ANKMY1: variants seen among roughly 807,000 people sequenced by gnomAD.
ANKMY1 encodes the protein ankyrin repeat and MYND domain containing 1.
In ANKMY1, 98 loss-of-function variants were observed where a neutral mutation model predicts 102.0. The observed-to-expected ratio is 0.96, with a 90% confidence interval of 0.82 to 1.14. The LOEUF (loss-of-function observed/expected upper bound fraction) is 1.14, where lower values mean the gene tolerates loss of function less well. Among genes scored for constraint, ANKMY1 ranks in the 50% most tolerant of loss-of-function variants. The pLI is 0.00. For missense variants in ANKMY1, 1,330 were observed against 1,347.6 expected (o/e 0.99, Z 0.20); for synonymous variants, 582 against 559.9 (o/e 1.04, Z -0.56).
At chr2:240,519,924 C>G (rs953595728) in intron 9 of ANKMY1, 2 of 277,302 alleles carry the variant, frequency 7.2e-6, no homozygotes, top group Non-Finnish European at 1.6e-5. Flanking sequence ...TTTTTCTCAG[C>G]TAAATATTTT....
intron 9 of ANKMY1, among the ~76,000 whole-genome samples, chr2:240,518,310 G>A (rs114285255): frequency 1.2e-3 from 184 of 152,218 alleles, no homozygotes; most frequent in Non-Finnish European, 2.1e-3. Context: ...TGGACAGTGA[G>A]ACCCTAGACC....
At chr2:240,523,669 G>C in intron 8 of ANKMY1, 1 of 754,464 alleles carries the variant, frequency 1.3e-6, no homozygotes, top group Non-Finnish European at 2.1e-6. Flanking sequence ...CACCCCCACA[G>C]GGCTGGGGTG....
In ANKMY1 at chr2:240,520,368, C is replaced by T. The variant is rs748841966; in HGVS notation, c.1998G>A (p.Pro666=). ...CGCCCGCCGCGGCTCCTACCTGCGGCGGAAAGCAGATGTCGGTCCTCGCCC... is the reference window on the plus strand; with the variant it reads ...CGCCCGCCGCGGCTCCTACCTGCGGTGGAAAGCAGATGTCGGTCCTCGCCC... ...EHGARTDICF[P]PQLSTLTPLH... is the part of the protein sequence containing the mutation. The change falls in exon 9 of 18, where the codon CCG becomes CCA. Residue 666 remains proline, a synonymous_variant. Transcript: ENST00000401804. This position sits in a 1 kb window ranked among gnomAD's most constrained non-coding sequence, Gnocchi z 4.8. 13 of 1,551,132 alleles carry T rather than the reference C, an allele frequency of 8.4e-6. 1 individual carries two copies. In the South Asian group the frequency reaches 1.3e-4, roughly 15 times the overall value.
chr2:240,525,687 G>A lies in ANKMY1; in HGVS notation c.1333C>T (p.Gln445Ter), dbSNP rs754476856. ...NVAERTIPEP[Q>*]EPPKFPVVPI... ...GCAGTGGCCACCGGGGGGCTTACCT[G>A]GGGCTCAGGTATGGTCCGTTCAGCA... The change falls in exon 7 of 18, where the codon CAG becomes TAG. Residue 445 changes from glutamine to a stop codon, truncating the protein, a stop_gained and splice_region_variant. Transcript: ENST00000401804. LOFTEE classifies it high-confidence loss of function. 10 of 1,613,794 alleles carry A rather than the reference G, an allele frequency of 6.2e-6. No individual in the cohort carries two copies. The highest frequency in any genetic ancestry group is 8.5e-6 in the Non-Finnish European group (10 of 1,179,828).
intron 4 of ANKMY1, among the ~76,000 whole-genome samples, chr2:240,534,637 C>A (rs1342588787): frequency 1.3e-5 from 2 of 152,232 alleles, no homozygotes; most frequent in East Asian, 3.9e-4. Flanking sequence ...TAGATTCAAC[C>A]TACAGGGAGA....
At chr2:240,545,296 G>A (rs1172984336) in intron 4 of ANKMY1, among the ~76,000 whole-genome samples, 1 of 152,162 alleles carries the variant, frequency 6.6e-6, no homozygotes, top group African/African-American at 2.4e-5. Flanking sequence ...TGCAGCTGAG[G>A]GTCCTGTCTG....
chr2:240,540,093 A>G (rs1184318325), intron 4 of ANKMY1, among the ~76,000 whole-genome samples: 1 of 152,244 alleles, frequency 6.6e-6, no homozygotes, highest in African/African-American at 2.4e-5. Context: ...AACTTAAAAC[A>G]TTCCTTTGTG....
rs534140158 is a variant in ANKMY1, at chr2:240,536,792, T to C, written c.481-7283A>G. Among the ~76,000 whole-genome samples, 375 of 152,338 alleles carry C rather than the reference T, an allele frequency of 2.5e-3. 1 individual carries two copies. Among genetic ancestry groups the C allele is most frequent in the Non-Finnish European group, 3.9e-3 (263 of 68,018 alleles). On this transcript the variant is annotated intron_variant, in intron 4 of 17. Transcript: ENST00000401804. ...AAAAAGACTATGCTTTTTCCCTGGA[T>C]TCTATAATATTTATTGAATGCAGCC...
chr2:240,519,692 G>A (rs2081817018), intron 9 of ANKMY1: 1 of 160,478 alleles, frequency 6.2e-6, no homozygotes, highest in African/African-American at 2.4e-5. Context: ...AAGGAGAGTT[G>A]TTTGAACGAG....
Position 240,557,222 on chromosome 2 carries a change from C to A in ANKMY1, c.114G>T (p.Gly38=). The change falls in exon 2 of 18, where the codon GGG becomes GGT. Residue 38 remains glycine (G), a synonymous_variant. Transcript: ENST00000401804. ...GGETPAAEEP[G]SLKNYAVFAT... is the part of the protein sequence containing the mutation. ...CGAAGACAGCGTAGTTCTTCAGGGA[C>A]CCCGGCTCCTCGGCAGCAGGGGTCT... The A allele has an allele frequency of 6.3e-7, 1 of 1,585,338 alleles. No individual in the cohort carries two copies. The highest frequency in any genetic ancestry group is 8.6e-7 in the Non-Finnish European group (1 of 1,164,732).
chr2:240,555,538 GA>G (rs1385141323), intron 2 of ANKMY1: 16 of 172,720 alleles, frequency 9.3e-5, no homozygotes, highest in African/African-American at 3.8e-4. Context: ...TACTAGGATG[GA>G]CAGGTGGATA....
chr2:240,523,796 T>A lies in ANKMY1; in HGVS notation c.1832+89A>T, dbSNP rs2082791205. ...CATCTCCAGACACAACGCCTCCCAC[T>A]GGCACAGGGAAGAGACGTGGGTCTG... On this transcript the variant is annotated intron_variant, in intron 8 of 17. Coordinates refer to ENST00000401804, the MANE Select transcript of ANKMY1 (RefSeq NM_001282771.3). 4.6e-6 allele frequency: 7 copies of A among 1,520,494 alleles called. No individual in the cohort carries two copies. The South Asian group carries it at 7.7e-5, about 17-fold the overall frequency. The allele number at this position is 1,520,494 out of a possible 1,614,324, so 94.2% of individuals were successfully genotyped here.
chr2:240,469,667 C>CT, the ANKMY1 span, among the ~76,000 whole-genome samples: 1 of 24,508 alleles, frequency 4.1e-5, no homozygotes, highest in Non-Finnish European at 9.4e-5. Context: ...ATGTGCACTC[C>CT]ACATTTACAC....
At position 240,495,111 on chromosome 2, in the gene ANKMY1, G is replaced by A. The variant is rs139365444; in HGVS notation, c.2806+4847C>T. ...CAAGTGTGAGCCTTCTGTTATGCCC[G>A]GACAGGGCCACCAGAGGGCTCCTTG... On this transcript the variant is annotated intron_variant, in intron 15 of 17. Transcript: ENST00000401804. Among the ~76,000 whole-genome samples, 677 of 148,034 alleles carry A rather than the reference G, an allele frequency of 4.6e-3. 5 individuals are homozygous for A. The highest frequency in any genetic ancestry group is 0.014 in the African/African-American group (551 of 40,804).
intron 15 of ANKMY1, among the ~76,000 whole-genome samples, chr2:240,498,754 A>C (rs1049354930): frequency 3.3e-5 from 5 of 152,056 alleles, no homozygotes; most frequent in Non-Finnish European, 7.4e-5. Context: ...TGGATCCCTC[A>C]TGAGTAGCTT....
In ANKMY1 at chr2:240,548,355, G is replaced by A. The variant is rs1460025463; in HGVS notation, c.480+4559C>T. 3.3e-5 allele frequency among the ~76,000 whole-genome samples: 5 copies of A among 152,266 alleles called. No individual in the cohort carries two copies. The South Asian group carries it at 8.3e-4, about 25-fold the overall frequency. ...CTCTCAATAAATTAGGTATTGATGG[G>A]ACGTATCTCAAAATAATAAGAGCTA... On this transcript the variant is annotated intron_variant, in intron 4 of 17. Coordinates refer to ENST00000401804, the MANE Select transcript of ANKMY1 (RefSeq NM_001282771.3).
At chr2:240,492,920 C>A (rs2076814622) in intron 15 of ANKMY1, among the ~76,000 whole-genome samples, 2 of 152,186 alleles carry the variant, frequency 1.3e-5, no homozygotes, top group Non-Finnish European at 2.9e-5. Context: ...GAACTCCTGA[C>A]CTCAAGTGAT....
At chr2:240,542,458 C>A (rs373597819) in intron 4 of ANKMY1, among the ~76,000 whole-genome samples, 16 of 151,472 alleles carry the variant, frequency 1.1e-4, no homozygotes, top group South Asian at 2.1e-4. Context: ...GAGCTGATAC[C>A]GCGCCACTGC....
chr2:240,560,586 C>A, upstream of ANKMY1: 4 of 1,323,532 alleles, frequency 3.0e-6, no homozygotes, highest in Non-Finnish European at 3.8e-6. Flanking sequence ...CGGGGGCGCC[C>A]GGCGGCCCGC....
Sources: gnomAD v4.1 joint callset for allele counts (sites outside exome capture counted in the v4.1 genomes callset) on GRCh38, gnomAD v4.1.1 for gene constraint, Gnocchi (gnomAD v3.1) non-coding constraint, MANE v1.5 for transcripts, NCBI Gene and HGNC (gene_info 2026-07-23, HGNC 2026-07-21) for gene names.